KDM1B: variants seen among roughly 807,000 people sequenced by gnomAD.
KDM1B encodes lysine-specific histone demethylase 2.
Under a neutral mutation model 107.4 loss-of-function variants are expected in KDM1B, and 63 were observed. That is an observed-to-expected ratio of 0.59 (90% CI 0.48 to 0.72). KDM1B has a LOEUF of 0.72. Among genes scored for constraint, KDM1B ranks in the 30% least tolerant of loss-of-function variants. The probability of loss-of-function intolerance (pLI) is 0.00; values close to 1 mark genes in which losing one functional copy is unlikely to be tolerated. For missense variants in KDM1B, 749 were observed against 1,020.8 expected (o/e 0.73, Z 3.63); for synonymous variants, 363 against 363.9 (o/e 1.00, Z 0.03).
rs1166275977 is a variant in KDM1B at position 18,201,610 on chromosome 6, C to G, written c.1484C>G (p.Ser495Cys). The G allele has an allele frequency of 1.9e-6, 3 of 1,550,752 alleles. No homozygotes were observed. The highest frequency in any genetic ancestry group is 1.7e-6 in the Non-Finnish European group (2 of 1,146,992). Residue 495 changes from serine (S) to cysteine (C), a missense_variant, in exon 14 of 22, where the codon TCT (serine) becomes TGT (cysteine). Physicochemically the swap from Ser to Cys is moderately radical, Grantham distance 112. Coordinates refer to ENST00000650836, the MANE Select transcript of KDM1B (RefSeq NM_001364614.2). This position sits in a 1 kb window ranked among gnomAD's most constrained non-coding sequence, Gnocchi z 4.3. The part of the protein sequence containing the change: ...FHFNALLDVV[S>C]EWRKDKTQLQ... ...TTTAATGCTCTCTTGGATGTTGTCT[C>G]TGAGTGGAGAAAGGATAAGACTCAG...
chr6:18,179,220 A>C (rs1241185116), intron 7 of KDM1B, among the ~76,000 whole-genome samples: 1 of 152,218 alleles, frequency 6.6e-6, no homozygotes, highest in Non-Finnish European at 1.5e-5. Context: ...GGAATGTTGA[A>C]TCAATGTTGC....
intron 6 of KDM1B, among the ~76,000 whole-genome samples, chr6:18,168,000 T>A (rs1785425453): frequency 6.6e-6 from 1 of 152,042 alleles, no homozygotes; most frequent in Admixed American, 6.6e-5. Context: ...ACTCAAGCAA[T>A]CCTCCCACTT....
At chr6:18,198,634 T>A (rs1214288768) in intron 12 of KDM1B, among the ~76,000 whole-genome samples, 3 of 65,334 alleles carry the variant, frequency 4.6e-5, no homozygotes, top group South Asian at 7.4e-4. Context: ...CGAGACTCCA[T>A]CTCAAAAAAA....
chr6:18,168,414 A>G (rs1438120505), intron 6 of KDM1B, among the ~76,000 whole-genome samples: 1 of 152,236 alleles, frequency 6.6e-6, no homozygotes, highest in Non-Finnish European at 1.5e-5. Context: ...TTTGAGATTC[A>G]TATCCATTGT....
At chr6:18,208,629 T>TATATATATATATA (rs1788587576) in intron 17 of KDM1B, among the ~76,000 whole-genome samples, 2 of 13,774 alleles carry the variant, frequency 1.5e-4, no homozygotes. Context: ...ATATATATAT[T>TATATATATATATA]TTTTTTTTTT....
rs1788231021 is a variant in KDM1B at position 18,204,327 on chromosome 6, T to A, written c.1532-1210T>A. On this transcript the variant is annotated intron_variant, in intron 14 of 21. Transcript: ENST00000650836. The surrounding 1 kb of genome is among the most constrained non-coding windows in gnomAD (Gnocchi z 4.9). ...TGGTGAAACCCATCTCTACTAAAAA[T>A]TCAAAAATTAGCTGGGCATAGAGGC... 6.6e-6 allele frequency among the ~76,000 whole-genome samples: 1 copy of A among 151,780 alleles called. No individual in the cohort carries two copies.
rs540134280 is a variant in KDM1B, at chr6:18,155,553, G to A, written c.-76G>A. 54 of 152,984 alleles carry A rather than the reference G, an allele frequency of 3.5e-4. No individual in the cohort carries two copies. In the East Asian group the frequency reaches 9.5e-3, roughly 27 times the overall value. 9.5% of individuals were successfully genotyped at this position (152,984 alleles called of 1,614,324 possible). ...CCCGCAGTCCAGGGCGGCGCGCACC[G>A]CCTCGCTGGCGCTCAGAGGTGGGAG... On this transcript the variant is annotated 5_prime_UTR_variant, in exon 1 of 22. Transcript: ENST00000650836. The surrounding 1 kb of genome is among the most constrained non-coding windows in gnomAD (Gnocchi z 6.2).
intron 6 of KDM1B, among the ~76,000 whole-genome samples, chr6:18,169,881 T>G (rs967456938): frequency 6.6e-6 from 1 of 152,128 alleles, no homozygotes; most frequent in Non-Finnish European, 1.5e-5. Flanking sequence ...AAAATAAACT[T>G]TATTTTGGAA....
At position 18,203,846 on chromosome 6, in the gene KDM1B, C is replaced by T. The variant is rs1432172865; in HGVS notation, c.1532-1691C>T. Among the ~76,000 whole-genome samples the T allele has an allele frequency of 2.4e-5, 2 of 84,442 alleles. No homozygotes were observed. The highest frequency in any genetic ancestry group is 2.7e-4 in the East Asian group (1 of 3,720). 55.4% of individuals were successfully genotyped at this position (84,442 alleles called of 152,430 possible). A position where few individuals can be genotyped will look rare whatever the true frequency, so the allele number is the denominator to read the frequency against. ...TCAGTCTTGATGACAAGCGAAACTC[C>T]GTCTCCAAAAAAAAAAAAAAAAAAT... is the stretch of plus-strand genomic sequence containing the variant. On this transcript the variant is annotated intron_variant, in intron 14 of 21. Coordinates refer to ENST00000650836, the MANE Select transcript of KDM1B (RefSeq NM_001364614.2). This position sits in a 1 kb window ranked among gnomAD's most constrained non-coding sequence, Gnocchi z 5.5.
chr6:18,194,678 A>G (rs1168123398), intron 10 of KDM1B, among the ~76,000 whole-genome samples: 1 of 151,794 alleles, frequency 6.6e-6, no homozygotes, highest in Non-Finnish European at 1.5e-5. Flanking sequence ...TATTTTTTTT[A>G]AATGGAGACA....
At chr6:18,216,077 CATTTTAATTT>C (rs1393778596) in intron 20 of KDM1B, among the ~76,000 whole-genome samples, 3 of 152,080 alleles carry the variant, frequency 2.0e-5, no homozygotes, top group East Asian at 3.9e-4. Context: ...TATTTTATTT[CATTTTAATTT>C]ATTTATTTTT....
intron 7 of KDM1B, among the ~76,000 whole-genome samples, chr6:18,179,980 T>G (rs1442409730): frequency 6.7e-6 from 1 of 148,744 alleles, no homozygotes; most frequent in Admixed American, 6.8e-5. Flanking sequence ...TCTGCCACCG[T>G]AGTCTCCTGA....
At chr6:18,217,709 A>T in intron 20 of KDM1B, 24 bp from the exon 21 acceptor site, 1 of 1,606,496 alleles carries the variant, frequency 6.2e-7, no homozygotes, top group Non-Finnish European at 8.5e-7. Flanking sequence ...ATCCTACTTC[A>T]TAATTCCTTT....
Position 18,213,926 on chromosome 6 carries a change from C to CCTG in KDM1B, c.2109+145_2109+146insCTG. The CCTG allele has an allele frequency of 1.1e-6, 1 of 885,740 alleles. No individual in the cohort carries two copies. The allele number at this position is 885,740 out of a possible 1,614,324, so 54.9% of individuals were successfully genotyped here. ...TTTATATTCTGGGAGGACACTTGGA[C>CCTG]TGGACATTTTCCTATAGGAAAGGAG... is the stretch of plus-strand genomic sequence containing the variant. On this transcript the variant is annotated intron_variant, in intron 19 of 21. Coordinates refer to ENST00000650836, the MANE Select transcript of KDM1B (RefSeq NM_001364614.2). This position sits in a 1 kb window ranked among gnomAD's most constrained non-coding sequence, Gnocchi z 5.9.
At chr6:18,208,754 C>T (rs1363023376) in intron 17 of KDM1B, among the ~76,000 whole-genome samples, 1 of 143,686 alleles carries the variant, frequency 7.0e-6, no homozygotes, top group Non-Finnish European at 1.5e-5. Flanking sequence ...ACGCCATTCT[C>T]CTGCCTCAAC....
In KDM1B at chr6:18,209,490, C is replaced by T. The variant is rs1788666269; in HGVS notation, c.1866+1284C>T. Among the ~76,000 whole-genome samples the T allele has an allele frequency of 2.0e-5, 3 of 152,240 alleles. No individual in the cohort carries two copies. Among genetic ancestry groups the T allele is most frequent in the Admixed American group, 6.5e-5 (1 of 15,284 alleles). On this transcript the variant is annotated intron_variant, in intron 17 of 21. Coordinates refer to ENST00000650836, the MANE Select transcript of KDM1B (RefSeq NM_001364614.2). The surrounding 1 kb of genome is among the most constrained non-coding windows in gnomAD (Gnocchi z 4.3). ...TAACATTATTCCTGCCATTAACCAA[C>T]TCGGAGATCTTGGGCAGCAATCCCC... is the stretch of plus-strand genomic sequence containing the variant.
intron 6 of KDM1B, among the ~76,000 whole-genome samples, chr6:18,167,527 G>T (rs542380632): frequency 8.3e-4 from 125 of 150,302 alleles, no homozygotes; most frequent in Admixed American, 6.2e-3. Flanking sequence ...AGGCTGTAGT[G>T]CAGTGGCACA....
At chr6:18,208,077 T>C in intron 16 of KDM1B, 55 bp from the exon 17 acceptor site, 1 of 1,263,226 alleles carries the variant, frequency 7.9e-7, no homozygotes, top group Non-Finnish European at 1.2e-6. Flanking sequence ...TCGGAAAGGA[T>C]CCTGGATCAC....
chr6:18,209,223 G>C lies in KDM1B; in HGVS notation c.1866+1017G>C, dbSNP rs1483047352. On this transcript the variant is annotated intron_variant, in intron 17 of 21. Transcript: ENST00000650836. The surrounding 1 kb of genome is among the most constrained non-coding windows in gnomAD (Gnocchi z 4.3). ...GAGATTTATAGTATTGGAGAATAAAGGTGCCTCCTTGGGGTAGAGGGGATT... is the reference window on the plus strand; with the variant it reads ...GAGATTTATAGTATTGGAGAATAAACGTGCCTCCTTGGGGTAGAGGGGATT... Among the ~76,000 whole-genome samples the C allele has an allele frequency of 6.6e-6, 1 of 152,134 alleles. No individual in the cohort carries two copies. The highest frequency in any genetic ancestry group is 6.5e-5 in the Admixed American group (1 of 15,268).
Sources: gnomAD v4.1 joint callset for allele counts (sites outside exome capture counted in the v4.1 genomes callset) on GRCh38, gnomAD v4.1.1 for gene constraint, Gnocchi (gnomAD v3.1) non-coding constraint, MANE v1.5 for transcripts, NCBI Gene and HGNC (gene_info 2026-07-23, HGNC 2026-07-21) for gene names.